Variants in ZWILCH observed in about 807,000 individuals in gnomAD.
ZWILCH encodes protein zwilch homolog.
In ZWILCH, 74 loss-of-function variants were observed where a neutral mutation model predicts 79.9. That is an observed-to-expected ratio of 0.93 (90% confidence interval 0.77 to 1.12). The LOEUF (loss-of-function observed/expected upper bound fraction) is 1.12. Ranked by LOEUF, ZWILCH falls within the 50% of genes most tolerant of loss-of-function variation. The pLI is 0.00. For missense variants in ZWILCH, 694 were observed against 687.5 expected (o/e 1.01, Z -0.11); for synonymous variants, 241 against 228.2 (o/e 1.06, Z -0.51).
chr15:66,512,196 A>T (rs1028072316), intron 2 of ZWILCH, among the ~76,000 whole-genome samples: 1 of 152,176 alleles, frequency 6.6e-6, no homozygotes, highest in African/African-American at 2.4e-5. Context: ...ATATAAAACT[A>T]TTAGAATCCT....
At chr15:66,517,422 G>GTT (rs1894311039) in intron 4 of ZWILCH, among the ~76,000 whole-genome samples, 1 of 27,576 alleles carries the variant, frequency 3.6e-5, no homozygotes, top group Non-Finnish European at 5.9e-5. Context: ...GTGTGCGTGT[G>GTT]TGTGTGTGTA....
In ZWILCH at chr15:66,517,771, C is replaced by T. The variant is rs572970500; in HGVS notation, c.321-1108C>T. On this transcript the variant is annotated intron_variant, in intron 4 of 18. Coordinates refer to ENST00000307897, the MANE Select transcript of ZWILCH (RefSeq NM_017975.5). ...TTTTTTTGAGACAGAGTCACTCTGT[C>T]GCCCAGGCTGGAGTGCAATGGCGTG... 1.3e-3 allele frequency among the ~76,000 whole-genome samples: 144 copies of T among 108,266 alleles called. 4 individuals are homozygous for T. The highest frequency in any genetic ancestry group is 1.3e-3 in the Non-Finnish European group (75 of 58,826). 71.0% of individuals were successfully genotyped at this position (108,266 alleles called of 152,430 possible). A position where few individuals can be genotyped will look rare whatever the true frequency, so the allele number is the denominator to read the frequency against.
At position 66,549,171 on chromosome 15, in the gene ZWILCH, C is replaced by G. The variant is rs1287618188; in HGVS notation, c.*847C>G. On this transcript the variant is annotated 3_prime_UTR_variant, in exon 19 of 19. Coordinates refer to ENST00000307897, the MANE Select transcript of ZWILCH (RefSeq NM_017975.5). Reference sequence around the variant, plus strand: ...ACTTTTATCTTGTGTGCTGGGTACTCTGGTTACTGAGATAAATAAGGCACT... The same window carrying G: ...ACTTTTATCTTGTGTGCTGGGTACTGTGGTTACTGAGATAAATAAGGCACT... 6.6e-6 allele frequency: 1 copy of G among 152,172 alleles called. No homozygotes were observed. Among genetic ancestry groups the G allele is most frequent in the African/African-American group, 2.4e-5 (1 of 41,412 alleles). The allele number at this position is 152,172 out of a possible 1,614,324, so 9.4% of individuals were successfully genotyped here. A position where few individuals can be genotyped will look rare whatever the true frequency, so the allele number is the denominator to read the frequency against.
rs576238631 is a variant in ZWILCH at position 66,521,118 on chromosome 15, A to G, written c.660A>G (p.Ala220=). Residue 220 remains alanine, a synonymous_variant, in exon 7 of 19, where the codon GCA becomes GCG. Coordinates refer to ENST00000307897, the MANE Select transcript of ZWILCH (RefSeq NM_017975.5). ...KSSALDDTIT[A]SQTAIALDIS... Reference sequence around the variant, plus strand: ...CTGCCTTGGATGATACAATCACAGCATCACAAACTGCGATCGCTTTGGATA... The same window carrying G: ...CTGCCTTGGATGATACAATCACAGCGTCACAAACTGCGATCGCTTTGGATA... The G allele has an allele frequency of 1.2e-6, 2 of 1,614,104 alleles. No individual in the cohort carries two copies. Among genetic ancestry groups the G allele is most frequent in the Non-Finnish European group, 1.7e-6 (2 of 1,180,038 alleles).
Position 66,519,024 on chromosome 15 carries a change from A to G in ZWILCH, c.466A>G (p.Ile156Val). The G allele has an allele frequency of 6.2e-7, 1 of 1,614,222 alleles. No individual in the cohort carries two copies. The highest frequency in any genetic ancestry group is 8.5e-7 in the Non-Finnish European group (1 of 1,180,032). Residue 156 changes from isoleucine (I) to valine (V), a missense_variant, in exon 5 of 19, where the codon ATC (isoleucine) becomes GTC (valine). Coordinates refer to ENST00000307897, the MANE Select transcript of ZWILCH (RefSeq NM_017975.5). ...EGTCWLGAEL[I>V]TTNNSITGIV... ...TACTTGTTGGCTAGGAGCTGAGCTT[A>G]TCACAACAAACAACAGCATTACAGG...
chr15:66,541,098 G>C, intron 17 of ZWILCH, among the ~76,000 whole-genome samples: 1 of 149,998 alleles, frequency 6.7e-6, no homozygotes, highest in Non-Finnish European at 1.5e-5. Flanking sequence ...GGGCAACATG[G>C]AGAAACCCCA....
chr15:66,544,374 C>G (rs1401292031), intron 17 of ZWILCH, among the ~76,000 whole-genome samples: 2 of 152,114 alleles, frequency 1.3e-5, no homozygotes, highest in African/African-American at 4.8e-5. Flanking sequence ...CTCTGTCACC[C>G]CAGCTGGAGT....
At chr15:66,537,345 C>A in intron 16 of ZWILCH, 82 bp downstream of exon 16, 1 of 1,019,054 alleles carries the variant, frequency 9.8e-7, no homozygotes, top group Non-Finnish European at 1.5e-6. Context: ...ATAACTTGAG[C>A]TCAGGAGTTC....
intron 12 of ZWILCH, among the ~76,000 whole-genome samples, chr15:66,531,769 T>C (rs1894859451): frequency 6.6e-6 from 1 of 151,926 alleles, no homozygotes; most frequent in African/African-American, 2.4e-5. Context: ...GAAATGGCAT[T>C]TGAAAAACTG....
chr15:66,544,481 C>T (rs563574964), intron 17 of ZWILCH, among the ~76,000 whole-genome samples: 2 of 151,738 alleles, frequency 1.3e-5, no homozygotes, highest in African/African-American at 4.8e-5. Flanking sequence ...TATGGGTGGG[C>T]GCCATCATGC....
intron 17 of ZWILCH, among the ~76,000 whole-genome samples, chr15:66,544,725 TGTGTGTGTGTG>T (rs1567054318): frequency 9.7e-5 from 1 of 10,302 alleles, no homozygotes; most frequent in Non-Finnish European, 1.8e-4. Context: ...TTTTGGTTTT[TGTGTGTGTGTG>T]TGTGTGTGTG....
intron 8 of ZWILCH, among the ~76,000 whole-genome samples, chr15:66,525,975 G>A (rs891457967): frequency 3.3e-5 from 5 of 151,794 alleles, no homozygotes; most frequent in Admixed American, 6.6e-5. Context: ...CGTTGGCCAG[G>A]CTGGTCTTGA....
intron 16 of ZWILCH, among the ~76,000 whole-genome samples, chr15:66,538,258 C>T (rs1895075702): frequency 6.6e-6 from 1 of 152,214 alleles, no homozygotes; most frequent in African/African-American, 2.4e-5. Context: ...CCTGAAATTG[C>T]TCTGGCAAAG....
intron 8 of ZWILCH, 132 bp from the exon 9 acceptor site, chr15:66,527,158 C>T (rs1894701429): frequency 9.1e-6 from 6 of 659,178 alleles, no homozygotes; most frequent in African/African-American, 1.8e-5. Context: ...ACATAAAGCA[C>T]CACAGCAGTA....
chr15:66,513,471 TGGG>T (rs1894143559), intron 2 of ZWILCH, among the ~76,000 whole-genome samples: 1 of 151,860 alleles, frequency 6.6e-6, no homozygotes, highest in South Asian at 2.1e-4. Context: ...GAGGCTGAGA[TGGG>T]AGGATTGCTT....
At chr15:66,525,051 C>G (rs1894624250) in intron 8 of ZWILCH, among the ~76,000 whole-genome samples, 1 of 152,186 alleles carries the variant, frequency 6.6e-6, no homozygotes, top group Admixed American at 6.5e-5. Flanking sequence ...GCTATTGCTT[C>G]AAGAGTCAGT....
chr15:66,542,314 G>A (rs920113452), intron 17 of ZWILCH, among the ~76,000 whole-genome samples: 2 of 152,116 alleles, frequency 1.3e-5, no homozygotes, highest in Non-Finnish European at 2.9e-5. Context: ...GGCCGGGCGC[G>A]GGGGCTCACA....
At chr15:66,520,704 G>A in intron 6 of ZWILCH, 44 bp downstream of exon 6, 1 of 1,285,570 alleles carries the variant, frequency 7.8e-7, no homozygotes, top group Non-Finnish European at 1.1e-6. Flanking sequence ...TCAAATTGTT[G>A]TCAACCTGCC....
chr15:66,511,682 T>C (rs1894072843), intron 2 of ZWILCH, among the ~76,000 whole-genome samples: 1 of 152,132 alleles, frequency 6.6e-6, no homozygotes, highest in African/African-American at 2.4e-5. Flanking sequence ...AGTGGCGCGA[T>C]CCTGGTTCAC....
Sources: allele counts gnomAD v4.1 joint callset (sites outside exome capture counted in the v4.1 genomes callset), GRCh38; gene constraint gnomAD v4.1.1; transcripts MANE v1.5; gene names NCBI Gene and HGNC (gene_info 2026-07-23, HGNC 2026-07-21).